Variants in PRKCQ observed in about 807,000 individuals in gnomAD.
The protein encoded by PRKCQ is protein kinase C theta.
PRKCQ carries 41 observed loss-of-function variants against 91.2 expected under a neutral mutation model. The ratio of observed to expected loss-of-function variants is 0.45; its 90% confidence interval spans 0.35 to 0.58. The LOEUF (loss-of-function observed/expected upper bound fraction) is 0.58, where lower values mean the gene tolerates loss of function less well. Among genes scored for constraint, PRKCQ ranks in the 20% least tolerant of loss-of-function variants. The pLI is 0.00. For missense variants in PRKCQ, 673 were observed against 896.5 expected, an observed-to-expected ratio of 0.75 and a Z score of 3.18; for synonymous variants, 307 against 316.9, an observed-to-expected ratio of 0.97 and a Z score of 0.33.
chr10:6,503,976 C>T (rs1354180686), intron 4 of PRKCQ, among the ~76,000 whole-genome samples: 1 of 152,060 alleles, frequency 6.6e-6, no homozygotes, highest in East Asian at 1.9e-4. Context: ...TGGGGTCACT[C>T]TACATTGCCC....
chr10:6,562,546 A>G (rs751534774), intron 1 of PRKCQ, among the ~76,000 whole-genome samples: 15 of 152,212 alleles, frequency 9.9e-5, no homozygotes, highest in Non-Finnish European at 2.1e-4. Flanking sequence ...CAAAACAAGG[A>G]AATAGCCCCA....
the PRKCQ span, among the ~76,000 whole-genome samples, chr10:6,396,100 A>G: frequency 1.3e-5 from 2 of 152,302 alleles, no homozygotes; most frequent in Non-Finnish European, 2.9e-5. Flanking sequence ...CTGTCCTGGG[A>G]ACTTAGATGC....
At chr10:6,516,293 T>C (rs1838751210) in intron 1 of PRKCQ, among the ~76,000 whole-genome samples, 1 of 152,200 alleles carries the variant, frequency 6.6e-6, no homozygotes, top group Non-Finnish European at 1.5e-5. Flanking sequence ...AGAGACAAAT[T>C]AGGAGCTTTT....
Position 6,430,753 on chromosome 10 carries a change from C to T in PRKCQ, c.1965+57G>A, listed in dbSNP as rs910616407. ...AGCTGCGGTGACTTGGACAGGCAGACGGCCCTGAGCGGAGGGAGAGTGGCT... is the reference window on the plus strand; with the variant it reads ...AGCTGCGGTGACTTGGACAGGCAGATGGCCCTGAGCGGAGGGAGAGTGGCT... On this transcript the variant is annotated intron_variant, in intron 17 of 17. Coordinates refer to ENST00000263125, the MANE Select transcript of PRKCQ (RefSeq NM_006257.5). This position sits in a 1 kb window ranked among gnomAD's most constrained non-coding sequence, Gnocchi z 4.7. The T allele has an allele frequency of 8.9e-6, 14 of 1,581,806 alleles. No individual in the cohort carries two copies. In the East Asian group the frequency reaches 1.1e-4, roughly 13 times the overall value.
chr10:6,423,779 G>T (rs1404823616), downstream of PRKCQ, among the ~76,000 whole-genome samples: 1 of 152,094 alleles, frequency 6.6e-6, no homozygotes, highest in African/African-American at 2.4e-5. Flanking sequence ...TTGGCCATCT[G>T]GTTTTTGCCT....
intron 1 of PRKCQ, among the ~76,000 whole-genome samples, chr10:6,562,211 G>A (rs896118326): frequency 4.6e-5 from 7 of 152,132 alleles, no homozygotes; most frequent in African/African-American, 1.7e-4. Context: ...CTCCTGCAGG[G>A]CAGCCTCATA....
intron 16 of PRKCQ, among the ~76,000 whole-genome samples, chr10:6,436,401 C>T (rs761979934): frequency 2.6e-5 from 4 of 152,152 alleles, no homozygotes; most frequent in South Asian, 2.1e-4. Context: ...TTCCATCCCA[C>T]GTAATGATAG....
At chr10:6,428,410 T>G (rs1372652992) in intron 17 of PRKCQ, 48 bp from the exon 18 acceptor site, 1 of 1,586,726 alleles carries the variant, frequency 6.3e-7, no homozygotes, top group African/African-American at 1.4e-5. Flanking sequence ...AAATCAGCCA[T>G]TAAGTTCATG....
chr10:6,571,997 G>T (rs867802909), intron 1 of PRKCQ, among the ~76,000 whole-genome samples: 20 of 152,134 alleles, frequency 1.3e-4, no homozygotes, highest in Admixed American at 2.0e-4. Flanking sequence ...TGTGACCCTA[G>T]ATCAAGTTTC....
chr10:6,421,437 T>C, the PRKCQ span, among the ~76,000 whole-genome samples: 1 of 152,176 alleles, frequency 6.6e-6, no homozygotes, highest in Non-Finnish European at 1.5e-5. This position sits in a 1 kb window ranked among gnomAD's most constrained non-coding sequence, Gnocchi z 4.1. Flanking sequence ...GTGAGCTGTA[T>C]TTGTGCCAAT....
chr10:6,470,078 G>C (rs1006760576), intron 12 of PRKCQ, among the ~76,000 whole-genome samples: 3 of 152,100 alleles, frequency 2.0e-5, no homozygotes, highest in African/African-American at 7.2e-5. Flanking sequence ...TATCACCACT[G>C]AATCTGCCTA....
the PRKCQ span, among the ~76,000 whole-genome samples, chr10:6,407,558 GTGTA>G: frequency 2.6e-5 from 4 of 152,020 alleles, no homozygotes; most frequent in Admixed American, 2.0e-4. This position sits in a 1 kb window ranked among gnomAD's most constrained non-coding sequence, Gnocchi z 4.0. Flanking sequence ...TATGGCATGT[GTGTA>G]TGGCGTGTGA....
At chr10:6,403,053 T>C in the PRKCQ span, among the ~76,000 whole-genome samples, 1 of 152,220 alleles carries the variant, frequency 6.6e-6, no homozygotes, top group Non-Finnish European at 1.5e-5. Flanking sequence ...CTTGCTCTAC[T>C]CTCCTATCCC....
intron 1 of PRKCQ, among the ~76,000 whole-genome samples, chr10:6,552,758 C>T (rs1010219688): frequency 6.6e-6 from 1 of 152,160 alleles, no homozygotes; most frequent in Non-Finnish European, 1.5e-5. Flanking sequence ...TGAGTCGCTG[C>T]ACCCAACCAA....
At chr10:6,528,426 G>A (rs1839275201) in intron 1 of PRKCQ, among the ~76,000 whole-genome samples, 1 of 152,148 alleles carries the variant, frequency 6.6e-6, no homozygotes, top group South Asian at 2.1e-4. Flanking sequence ...TCCTCGGTTG[G>A]CAGGGGTGAG....
At chr10:6,409,575 G>A in the PRKCQ span, among the ~76,000 whole-genome samples, 1 of 152,192 alleles carries the variant, frequency 6.6e-6, no homozygotes, top group African/African-American at 2.4e-5. Flanking sequence ...GATTACAGGT[G>A]TGAGCCACTG....
chr10:6,489,756 T>G (rs1837173795), intron 8 of PRKCQ, among the ~76,000 whole-genome samples: 1 of 151,302 alleles, frequency 6.6e-6, no homozygotes, highest in Non-Finnish European at 1.5e-5. Context: ...GGGGAGCACT[T>G]GAAATGTAGG....
downstream of PRKCQ, among the ~76,000 whole-genome samples, chr10:6,423,731 T>G (rs935646868): frequency 6.6e-6 from 1 of 152,188 alleles, no homozygotes; most frequent in Non-Finnish European, 1.5e-5. Context: ...TGCCCATCCC[T>G]TTGGCTGCCT....
At chr10:6,528,403 T>G (rs1588387424) in intron 1 of PRKCQ, among the ~76,000 whole-genome samples, 1 of 151,712 alleles carries the variant, frequency 6.6e-6, no homozygotes, top group African/African-American at 2.4e-5. Flanking sequence ...TGGGGTGGGG[T>G]GGGGGCGCAT....
Sources: gnomAD v4.1 joint callset for allele counts (sites outside exome capture counted in the v4.1 genomes callset) on GRCh38, gnomAD v4.1.1 for gene constraint, Gnocchi (gnomAD v3.1) non-coding constraint, MANE v1.5 for transcripts, NCBI Gene and HGNC (gene_info 2026-07-23, HGNC 2026-07-21) for gene names.